The following ANKRD13C variants were observed in gnomAD, a reference collection of about 807,000 sequenced individuals.
ANKRD13C encodes the protein ankyrin repeat domain-containing protein 13C.
In ANKRD13C, 16 loss-of-function variants were observed where a neutral mutation model predicts 65.5. That is an observed-to-expected ratio of 0.24 (90% CI 0.17 to 0.37). The LOEUF is 0.37. Among genes scored for constraint, ANKRD13C ranks in the 10% least tolerant of loss-of-function variants. The pLI is 1.00. For missense variants in ANKRD13C, 503 were observed against 655.9 expected (o/e 0.77, Z 2.55); for synonymous variants, 235 against 238.7 (o/e 0.98, Z 0.14).
At chr1:70,342,639 A>G (rs375089573) in intron 1 of ANKRD13C, among the ~76,000 whole-genome samples, 1 of 151,796 alleles carries the variant, frequency 6.6e-6, no homozygotes, top group East Asian at 1.9e-4. Flanking sequence ...GCAATAGTGG[A>G]AGAGGTAGCA....
chr1:70,293,982 CTATT>C (rs140026706), intron 8 of ANKRD13C, among the ~76,000 whole-genome samples: 104 of 152,266 alleles, frequency 6.8e-4, no homozygotes, highest in African/African-American at 2.2e-3. Flanking sequence ...ACAAATGTGA[CTATT>C]CATTTAAATG....
intron 6 of ANKRD13C, among the ~76,000 whole-genome samples, chr1:70,301,849 A>G (rs1262779487): frequency 2.0e-5 from 3 of 152,250 alleles, no homozygotes; most frequent in Non-Finnish European, 4.4e-5. Flanking sequence ...ATAAATCACC[A>G]GATCAGGATC....
chr1:70,284,825 A>G (rs544977960), intron 9 of ANKRD13C, among the ~76,000 whole-genome samples: 3 of 152,350 alleles, frequency 2.0e-5, no homozygotes, highest in South Asian at 4.1e-4. Context: ...TTTTAAGCCA[A>G]TATCAATAAG....
intron 11 of ANKRD13C, among the ~76,000 whole-genome samples, chr1:70,273,759 C>A (rs551531810): frequency 9.9e-5 from 15 of 151,844 alleles, no homozygotes; most frequent in African/African-American, 3.6e-4. Flanking sequence ...TTGGTTCAAG[C>A]GATTCTCCTG....
intron 12 of ANKRD13C, among the ~76,000 whole-genome samples, chr1:70,266,767 A>G (rs1340299884): frequency 2.0e-5 from 3 of 152,046 alleles, no homozygotes; most frequent in Non-Finnish European, 4.4e-5. Context: ...TCTAATATTA[A>G]TTCCTAGTTT....
intron 7 of ANKRD13C, among the ~76,000 whole-genome samples, chr1:70,296,706 A>G (rs1680095007): frequency 6.6e-6 from 1 of 152,204 alleles, no homozygotes; most frequent in Non-Finnish European, 1.5e-5. Context: ...AAGATCCACC[A>G]CTGTCATTTG....
chr1:70,263,134 C>CT (rs1480369664), intron 12 of ANKRD13C, among the ~76,000 whole-genome samples: 2 of 151,972 alleles, frequency 1.3e-5, no homozygotes, highest in Admixed American at 1.3e-4. Context: ...TTCTACCAGT[C>CT]TTTTTTTCTT....
intron 1 of ANKRD13C, among the ~76,000 whole-genome samples, chr1:70,353,181 G>T (rs1682822565): frequency 6.6e-6 from 1 of 152,074 alleles, no homozygotes; most frequent in African/African-American, 2.4e-5. Flanking sequence ...ATTTACTGTT[G>T]CTTAAAAGTC....
At chr1:70,348,733 G>A (rs932901106) in intron 1 of ANKRD13C, among the ~76,000 whole-genome samples, 12 of 152,094 alleles carry the variant, frequency 7.9e-5, no homozygotes, top group Non-Finnish European at 1.2e-4. Context: ...ACTTAAATTC[G>A]AAATCTCTAA....
intron 6 of ANKRD13C, among the ~76,000 whole-genome samples, chr1:70,303,981 T>A (rs1478489847): frequency 6.6e-6 from 1 of 152,174 alleles, no homozygotes; most frequent in Non-Finnish European, 1.5e-5. Context: ...TAACTTCCCC[T>A]TAACCTACAA....
At chr1:70,297,157 A>AAT (rs1317617875) in intron 7 of ANKRD13C, among the ~76,000 whole-genome samples, 3 of 152,016 alleles carry the variant, frequency 2.0e-5, no homozygotes, top group Non-Finnish European at 4.4e-5. Context: ...TGTCTGGAGA[A>AAT]TAATAACAGT....
At chr1:70,304,928 T>C (rs1680524043) in intron 6 of ANKRD13C, among the ~76,000 whole-genome samples, 1 of 152,164 alleles carries the variant, frequency 6.6e-6, no homozygotes, top group Non-Finnish European at 1.5e-5. Context: ...TTAAGGTACA[T>C]GAGCACTTTT....
At chr1:70,271,138 T>G (rs1461881364) in intron 11 of ANKRD13C, among the ~76,000 whole-genome samples, 182 bp from the exon 12 acceptor site, 1 of 152,210 alleles carries the variant, frequency 6.6e-6, no homozygotes, top group African/African-American at 2.4e-5. Context: ...CTTTTGATTG[T>G]GCAGCCATAA....
At chr1:70,295,098 T>C (rs1419795216) in intron 8 of ANKRD13C, among the ~76,000 whole-genome samples, 1 of 152,150 alleles carries the variant, frequency 6.6e-6, no homozygotes, top group African/African-American at 2.4e-5. Context: ...ATTGAGAATA[T>C]ATTCATTTCA....
chr1:70,288,079 G>C (rs1266033408), intron 9 of ANKRD13C, among the ~76,000 whole-genome samples: 1 of 152,098 alleles, frequency 6.6e-6, no homozygotes, highest in East Asian at 1.9e-4. Context: ...ATTAGGAAAA[G>C]AGCAAAAGGC....
intron 1 of ANKRD13C, among the ~76,000 whole-genome samples, chr1:70,336,831 G>A (rs1174111117): frequency 1.3e-5 from 2 of 152,098 alleles, no homozygotes; most frequent in Non-Finnish European, 2.9e-5. Context: ...AAAAGACAAA[G>A]ACTTGAAAGC....
intron 11 of ANKRD13C, among the ~76,000 whole-genome samples, chr1:70,273,500 AAT>A (rs1572028403): frequency 6.6e-6 from 1 of 152,230 alleles, no homozygotes; most frequent in African/African-American, 2.4e-5. Flanking sequence ...GGATATATTC[AAT>A]ATGTTTACCA....
Position 70,300,263 on chromosome 1 carries a change from T to C in ANKRD13C, c.921+501A>G, listed in dbSNP as rs565912147. ...ATTCTCAGCAGGCTCAATGGACCGGTCAAGATGGAGACCAGAGGATAGAAA... is the reference window on the plus strand; with the variant it reads ...ATTCTCAGCAGGCTCAATGGACCGGCCAAGATGGAGACCAGAGGATAGAAA... On this transcript the variant is annotated intron_variant, in intron 7 of 12. Transcript: ENST00000370944. Among the ~76,000 whole-genome samples, 14 of 152,180 alleles carry C rather than the reference T, an allele frequency of 9.2e-5. No individual in the cohort carries two copies. The East Asian group carries it at 2.3e-3, about 25-fold the overall frequency.
chr1:70,327,986 A>G (rs942912013), intron 2 of ANKRD13C, among the ~76,000 whole-genome samples: 1 of 152,036 alleles, frequency 6.6e-6, no homozygotes, highest in Non-Finnish European at 1.5e-5. Flanking sequence ...AGCTGCTTGA[A>G]CCCAGAAGGC....
Sources: allele counts gnomAD v4.1 joint callset (sites outside exome capture counted in the v4.1 genomes callset), GRCh38; gene constraint gnomAD v4.1.1; transcripts MANE v1.5; gene names NCBI Gene and HGNC (gene_info 2026-07-23, HGNC 2026-07-21).